GATAD1: variants seen among roughly 807,000 people sequenced by gnomAD.
GATAD1 encodes the protein GATA zinc finger domain containing 1, also known as GATA zinc finger domain-containing protein 1.
A neutral mutation model predicts 26.5 loss-of-function variants in GATAD1; 12 were observed. The observed-to-expected ratio is 0.45, with a 90% CI of 0.29 to 0.73. The LOEUF is 0.73. Ranked by LOEUF, GATAD1 falls within the 30% of genes least tolerant of loss-of-function variation. The probability of loss-of-function intolerance (pLI) is 0.10; values close to 1 mark genes in which losing one functional copy is unlikely to be tolerated. For synonymous variants in GATAD1, 129 were observed against 133.1 expected (o/e 0.97, Z 0.21); for missense variants, 266 against 342.1 (o/e 0.78, Z 1.75).
At chr7:92,455,444 C>G (rs560203422) in intron 4 of GATAD1, among the ~76,000 whole-genome samples, 49 of 152,300 alleles carry the variant, frequency 3.2e-4, no homozygotes, top group African/African-American at 1.2e-3. Context: ...TGTGCCTCTG[C>G]ATGCTACACA....
the GATAD1 span, among the ~76,000 whole-genome samples, chr7:92,481,236 A>T: frequency 2.6e-5 from 4 of 152,228 alleles, no homozygotes; most frequent in Non-Finnish European, 5.9e-5. Flanking sequence ...TAGATCAGAG[A>T]CATACAATCA....
chr7:92,478,528 G>T, the GATAD1 span, among the ~76,000 whole-genome samples: 1 of 152,198 alleles, frequency 6.6e-6, no homozygotes, highest in East Asian at 1.9e-4. Flanking sequence ...TGAGAGGCTA[G>T]GTGGATGCAG....
chr7:92,494,317 A>G, the GATAD1 span: 2 of 1,613,714 alleles, frequency 1.2e-6, no homozygotes, highest in Admixed American at 3.3e-5. Context: ...GACAGTATAC[A>G]CATTTATCTA....
the GATAD1 span, chr7:92,475,107 G>A: frequency 6.6e-6 from 1 of 152,074 alleles, no homozygotes; most frequent in Admixed American, 6.5e-5. Context: ...TGTACTTATG[G>A]CACTTCACTC....
At chr7:92,469,322 G>A in the GATAD1 span, 1 of 764,746 alleles carries the variant, frequency 1.3e-6, no homozygotes. Flanking sequence ...TCCCCATTTA[G>A]TTCTTGAGAT....
chr7:92,494,276 A>G, the GATAD1 span: 1 of 1,580,202 alleles, frequency 6.3e-7, no homozygotes, highest in African/African-American at 1.3e-5. Flanking sequence ...TTTGGACTCT[A>G]AATATGAAAT....
intron 4 of GATAD1, among the ~76,000 whole-genome samples, 167 bp downstream of exon 4, chr7:92,454,852 A>T (rs1789602351): frequency 6.6e-6 from 1 of 152,216 alleles, no homozygotes; most frequent in Non-Finnish European, 1.5e-5. Context: ...GAAGTCCAAC[A>T]TCAAGGTGCT....
At position 92,453,650 on chromosome 7, in the gene GATAD1, T is replaced by C. The variant is rs111319531; in HGVS notation, c.436-852T>C. ...AAGACTATAATCCAAAGATTATTTT[T>C]GGTTTGAATTTGTTTTGGTTTGAAT... On this transcript the variant is annotated intron_variant, in intron 3 of 4. Coordinates refer to ENST00000287957, the MANE Select transcript of GATAD1 (RefSeq NM_021167.5). 2.1e-3 allele frequency among the ~76,000 whole-genome samples: 317 copies of C among 152,354 alleles called. 1 individual carries two copies. The highest frequency in any genetic ancestry group is 7.4e-3 in the African/African-American group (306 of 41,586).
the GATAD1 span, among the ~76,000 whole-genome samples, chr7:92,473,986 G>A: frequency 6.6e-6 from 1 of 152,100 alleles, no homozygotes; most frequent in Non-Finnish European, 1.5e-5. Flanking sequence ...AAGGGGCATG[G>A]ACGAGGGGGC....
downstream of GATAD1, among the ~76,000 whole-genome samples, chr7:92,461,783 C>A (rs1203170468): frequency 6.6e-6 from 1 of 152,086 alleles, no homozygotes; most frequent in Non-Finnish European, 1.5e-5. Flanking sequence ...AGCAAATGGT[C>A]CGTGACAGAA....
Position 92,458,927 on chromosome 7 carries a change from A to T in GATAD1, c.*2365A>T, listed in dbSNP as rs1789805382. ...TTAAAACCAAAACAGTATCGTACTT[A>T]GAATTTGGAGTAGAGGCCGGGCACA... On this transcript the variant is annotated 3_prime_UTR_variant, in exon 5 of 5. Transcript: ENST00000287957. The T allele has an allele frequency of 6.6e-6, 1 of 152,242 alleles. No homozygotes were observed. Among genetic ancestry groups the T allele is most frequent in the Admixed American group, 6.5e-5 (1 of 15,282 alleles). 9.4% of individuals were successfully genotyped at this position (152,242 alleles called of 1,614,324 possible). A position where few individuals can be genotyped will look rare whatever the true frequency, so the allele number is the denominator to read the frequency against.
chr7:92,454,091 G>A lies in GATAD1; in HGVS notation c.436-411G>A, dbSNP rs1585170310. ...AGTGTACCACTCTAGTGGTGGGAGG[G>A]GTTATTGATAATAGGGGAGGATGTG... is the stretch of plus-strand genomic sequence containing the variant. On this transcript the variant is annotated intron_variant, in intron 3 of 4. Coordinates refer to ENST00000287957, the MANE Select transcript of GATAD1 (RefSeq NM_021167.5). 2.2e-5 allele frequency: 5 copies of A among 224,716 alleles called. No homozygotes were observed. In the East Asian group the frequency reaches 5.1e-4, roughly 23 times the overall value. 13.9% of individuals were successfully genotyped at this position (224,716 alleles called of 1,614,324 possible).
At chr7:92,449,673 CTT>C (rs768149346) in intron 2 of GATAD1, 1,090 of 725,010 alleles carry the variant, frequency 1.5e-3, no homozygotes, top group South Asian at 1.7e-3. Flanking sequence ...AGACTATTTT[CTT>C]TTTTTTTTTT....
chr7:92,452,132 T>C (rs1191700166), intron 3 of GATAD1, among the ~76,000 whole-genome samples: 4 of 152,240 alleles, frequency 2.6e-5, no homozygotes, highest in African/African-American at 9.6e-5. Flanking sequence ...GTGCATTACC[T>C]TCACAGTTTA....
the GATAD1 span, chr7:92,468,710 C>T: frequency 1.5e-6 from 1 of 668,784 alleles, no homozygotes; most frequent in Non-Finnish European, 2.7e-6. Context: ...TCTCTCAGTC[C>T]CCCATCTCAA....
At chr7:92,474,722 A>G in the GATAD1 span, 1 of 152,218 alleles carries the variant, frequency 6.6e-6, no homozygotes, top group South Asian at 2.1e-4. Context: ...ATATCTCTCC[A>G]TGTCAGATCA....
At chr7:92,480,211 C>A in the GATAD1 span, among the ~76,000 whole-genome samples, 1 of 152,162 alleles carries the variant, frequency 6.6e-6, no homozygotes, top group East Asian at 1.9e-4. Flanking sequence ...GGAAGGCCAA[C>A]CCAAGGAATT....
the GATAD1 span, among the ~76,000 whole-genome samples, chr7:92,488,095 G>A: frequency 6.6e-6 from 1 of 152,136 alleles, no homozygotes; most frequent in Non-Finnish European, 1.5e-5. Context: ...TTGTGGCATA[G>A]CTACACTATA....
At chr7:92,476,547 A>G in the GATAD1 span, among the ~76,000 whole-genome samples, 6 of 152,172 alleles carry the variant, frequency 3.9e-5, no homozygotes, top group Non-Finnish European at 8.8e-5. Flanking sequence ...TTTTAAAGGA[A>G]TAGGGCACAC....
Sources: allele counts gnomAD v4.1 joint callset (sites outside exome capture counted in the v4.1 genomes callset), GRCh38; gene constraint gnomAD v4.1.1; transcripts MANE v1.5; gene names NCBI Gene and HGNC (gene_info 2026-07-23, HGNC 2026-07-21).